TDRD1: variants seen among roughly 807,000 people sequenced by gnomAD.
The protein encoded by TDRD1 is tudor domain-containing protein 1.
In TDRD1, 37 loss-of-function variants were observed where a neutral mutation model predicts 140.6. The ratio of observed to expected loss-of-function variants is 0.26; its 90% confidence interval spans 0.20 to 0.35. The LOEUF is 0.35. Ranked by LOEUF, TDRD1 falls within the 10% of genes least tolerant of loss-of-function variation. The pLI is 1.00. For missense variants in TDRD1, 1,243 were observed against 1,393.0 expected (o/e 0.89, Z 1.71); for synonymous variants, 506 against 475.7 (o/e 1.06, Z -0.83).
intron 25 of TDRD1, chr10:114,228,382 G>C: frequency 8.3e-7 from 1 of 1,207,048 alleles, no homozygotes; most frequent in Non-Finnish European, 1.0e-6. Context: ...CTGTTGTTTG[G>C]TTCTGTGAAT....
chr10:114,190,703 G>C (rs554425571), intron 2 of TDRD1, among the ~76,000 whole-genome samples: 17 of 152,210 alleles, frequency 1.1e-4, no homozygotes, highest in African/African-American at 4.1e-4. Flanking sequence ...GGTCAGGCTG[G>C]TCTTGAACTG....
At chr10:114,232,426 T>C (rs1321847987), downstream of TDRD1, 2 of 151,826 alleles carry the variant, frequency 1.3e-5, no homozygotes, top group African/African-American at 4.8e-5. Flanking sequence ...ACCCCAAAGT[T>C]TGAATTTTTT....
intron 25 of TDRD1, chr10:114,228,212 G>C (rs941828169): frequency 5.4e-6 from 8 of 1,471,364 alleles, no homozygotes; most frequent in Non-Finnish European, 3.6e-6. Context: ...AGAGCTAATG[G>C]AGTGAAACCT....
intron 16 of TDRD1, among the ~76,000 whole-genome samples, chr10:114,216,348 C>T (rs1222204640): frequency 1.3e-5 from 2 of 152,138 alleles, no homozygotes; most frequent in Admixed American, 1.3e-4. Context: ...ATTTAATTAA[C>T]CTAAGTTAAC....
Position 114,192,120 on chromosome 10 carries a change from A to G in TDRD1, c.384+1101A>G, listed in dbSNP as rs140920855. Among the ~76,000 whole-genome samples the G allele has an allele frequency of 8.9e-3, 1,343 of 151,220 alleles. 4 individuals carry two copies. The highest frequency in any genetic ancestry group is 0.015 in the Non-Finnish European group (1,050 of 67,874). On this transcript the variant is annotated intron_variant, in intron 3 of 25. Coordinates refer to ENST00000251864, the Ensembl canonical transcript of TDRD1. The stretch of plus-strand genomic sequence containing the variant: ...TTCAGATATTGGTCCTTTGTCAAGT[A>G]CGTGATTTGCCAATATTTTTTCCTA...
At chr10:114,202,267 T>C in exon 6 of TDRD1, 1 of 1,603,700 alleles carries the variant, frequency 6.2e-7, no homozygotes, top group East Asian at 2.2e-5. Flanking sequence ...AAATCATCTA[T>C]TGAAACAAAG....
At chr10:114,221,206 G>A in intron 19 of TDRD1, 151 bp from the exon 20 acceptor site, 1 of 875,128 alleles carries the variant, frequency 1.1e-6, no homozygotes, top group Non-Finnish European at 1.7e-6. Context: ...AGAATAGATT[G>A]TTTTGTGAAA....
intron 14 of TDRD1, 115 bp from the exon 15 acceptor site, chr10:114,213,231 G>A (rs778209616): frequency 3.5e-5 from 32 of 920,916 alleles, no homozygotes; most frequent in Admixed American, 1.9e-4. Context: ...TAAGTGACAC[G>A]TTTCCGTTCC....
intron 4 of TDRD1, 152 bp from the exon 5 acceptor site, chr10:114,201,258 T>G (rs956324614): frequency 1.6e-6 from 1 of 622,192 alleles, no homozygotes; most frequent in Non-Finnish European, 2.8e-6. Context: ...ATTTCTTCTC[T>G]GTATTCTCAG....
intron 25 of TDRD1, chr10:114,228,497 G>A: frequency 9.9e-7 from 1 of 1,012,338 alleles, no homozygotes; most frequent in Non-Finnish European, 1.2e-6. Flanking sequence ...GCTCACTTAT[G>A]CACATTGCTG....
intron 3 of TDRD1, among the ~76,000 whole-genome samples, chr10:114,196,833 C>CTGTTTTTTTTT (rs2034386397): frequency 2.1e-5 from 1 of 48,326 alleles, no homozygotes; most frequent in Non-Finnish European, 3.6e-5. Context: ...TTCTAGCAGT[C>CTGTTTTTTTTT]TTTTTTTTTT....
intron 25 of TDRD1, chr10:114,228,509 A>G (rs775142788): frequency 4.9e-5 from 49 of 1,000,310 alleles, no homozygotes; most frequent in Non-Finnish European, 5.5e-5. Context: ...ACATTGCTGT[A>G]AATATGTTTA....
At chr10:114,213,932 A>AT in intron 15 of TDRD1, 45 bp from the exon 16 acceptor site, 1 of 1,606,592 alleles carries the variant, frequency 6.2e-7, no homozygotes, top group Non-Finnish European at 8.5e-7. Flanking sequence ...ACCTCGCTAC[A>AT]TCCCTCCTCC....
intron 20 of TDRD1, among the ~76,000 whole-genome samples, chr10:114,222,270 C>G (rs557294122): frequency 6.6e-6 from 1 of 152,096 alleles, no homozygotes. Flanking sequence ...GAAAAGTACA[C>G]TAAACAATTG....
chr10:114,218,658 A>T, intron 18 of TDRD1, 74 bp downstream of exon 18: 1 of 1,071,086 alleles, frequency 9.3e-7, no homozygotes, highest in Non-Finnish European at 1.3e-6. Context: ...AATATCTACA[A>T]TGTTAACATT....
chr10:114,180,466 G>A (rs2032949461), intron 1 of TDRD1, among the ~76,000 whole-genome samples: 1 of 152,174 alleles, frequency 6.6e-6, no homozygotes, highest in South Asian at 2.1e-4. Flanking sequence ...AAACCGGAGT[G>A]TTTTTGTTTG....
chr10:114,201,400 T>C lies in TDRD1; in HGVS notation c.530-10T>C. 2 of 1,611,134 alleles carry C rather than the reference T, an allele frequency of 1.2e-6. No individual in the cohort carries two copies. The highest frequency in any genetic ancestry group is 1.7e-6 in the Non-Finnish European group (2 of 1,177,408). On this transcript the variant is annotated splice_polypyrimidine_tract_variant and intron_variant, in intron 4 of 25. Transcript: ENST00000251864. Reference sequence around the variant, plus strand: ...TTCATCTGAACTATTTTGTGGGTGGTGTTTTCTAGGATCGCTGAGGTGCTC... The same window carrying C: ...TTCATCTGAACTATTTTGTGGGTGGCGTTTTCTAGGATCGCTGAGGTGCTC...
At position 114,212,043 on chromosome 10, in the gene TDRD1, A is replaced by T; in HGVS notation, c.1831+7A>T. On this transcript the variant is annotated splice_region_variant and intron_variant, in intron 14 of 25. Coordinates refer to ENST00000251864, the Ensembl canonical transcript of TDRD1. ...ATAAAGTGTGTACTAGCAGGTATGA[A>T]ATTTTTATAGCCTCCATATTCTTTA... 6.3e-7 allele frequency: 1 copy of T among 1,592,052 alleles called. No individual in the cohort carries two copies. The highest frequency in any genetic ancestry group is 8.5e-7 in the Non-Finnish European group (1 of 1,174,420).
exon 22 of TDRD1, chr10:114,226,095 T>A (rs547450059): frequency 1.2e-6 from 2 of 1,614,086 alleles, no homozygotes; most frequent in African/African-American, 2.7e-5. Flanking sequence ...CATCAGACAC[T>A]GATGTGGAAG....
Sources: gnomAD v4.1 joint callset for allele counts (sites outside exome capture counted in the v4.1 genomes callset) on GRCh38, gnomAD v4.1.1 for gene constraint, MANE v1.5 for transcripts, NCBI Gene and HGNC (gene_info 2026-07-23, HGNC 2026-07-21) for gene names.